NR4A1: variants seen among roughly 807,000 people sequenced by gnomAD.
NR4A1 encodes nuclear receptor subfamily 4immunitygroup A member 1.
A neutral mutation model predicts 47.5 loss-of-function variants in NR4A1; 24 were observed. The ratio of observed to expected loss-of-function variants is 0.50; its 90% CI spans 0.37 to 0.71. The LOEUF is 0.71. Among genes scored for constraint, NR4A1 ranks in the 30% least tolerant of loss-of-function variants. The pLI, the probability that NR4A1 is intolerant of heterozygous loss-of-function variation, is 0.00. For missense variants in NR4A1, 669 were observed against 788.6 expected (o/e 0.85, Z 1.82); for synonymous variants, 353 against 345.7 (o/e 1.02, Z -0.24).
intron 1 of NR4A1, among the ~76,000 whole-genome samples, chr12:52,052,097 C>T (rs1436180600): frequency 1.3e-5 from 2 of 152,106 alleles, no homozygotes; most frequent in Non-Finnish European, 2.9e-5. Flanking sequence ...CCACCCTGAA[C>T]TTTCTGTCTG....
chr12:52,045,453 G>C (rs748258312), intron 2 of NR4A1: 1 of 440,914 alleles, frequency 2.3e-6, no homozygotes, highest in South Asian at 1.6e-5. Flanking sequence ...CCTGCCTCCC[G>C]ACTTCCACCC....
chr12:52,052,265 TCAC>T (rs1939002196), intron 1 of NR4A1, among the ~76,000 whole-genome samples: 1 of 132,338 alleles, frequency 7.6e-6, no homozygotes, highest in Non-Finnish European at 1.6e-5. Flanking sequence ...GGGGCTTGGA[TCAC>T]GTGTGTGTGT....
chr12:52,055,854 T>TCC (rs200850180), intron 2 of NR4A1, 176 bp from the exon 3 acceptor site: 45 of 450,666 alleles, frequency 1.0e-4, no homozygotes, highest in African/African-American at 5.2e-4. Flanking sequence ...GACTTTTCTC[T>TCC]CCCCCCGCCC....
intron 2 of NR4A1, chr12:52,043,721 A>T: frequency 1.6e-6 from 2 of 1,275,372 alleles, no homozygotes; most frequent in Non-Finnish European, 2.0e-6. Flanking sequence ...TGGAGGCAGC[A>T]CCACATCCAG....
chr12:52,037,756 G>T, intron 1 of NR4A1: 1 of 985,534 alleles, frequency 1.0e-6, no homozygotes, highest in Non-Finnish European at 1.2e-6. Flanking sequence ...GAGCGCGGGA[G>T]CTCGTCTGCC....
chr12:52,036,189 T>C (rs1266385610), intron 1 of NR4A1, among the ~76,000 whole-genome samples: 1 of 152,184 alleles, frequency 6.6e-6, no homozygotes, highest in Admixed American at 6.5e-5. Flanking sequence ...GAGAAGGATT[T>C]GCTCAGGACA....
intron 1 of NR4A1, among the ~76,000 whole-genome samples, chr12:52,040,850 G>A (rs533731807): frequency 1.3e-5 from 2 of 152,296 alleles, no homozygotes; most frequent in South Asian, 4.1e-4. Context: ...AGTCTGAAGG[G>A]CAGTCCAATA....
At chr12:52,047,689 A>G (rs1282303535), upstream of NR4A1, among the ~76,000 whole-genome samples, 1 of 152,210 alleles carries the variant, frequency 6.6e-6, no homozygotes, top group African/African-American at 2.4e-5. Context: ...TCTGGAGGCT[A>G]GATGCTGAGA....
In NR4A1 at chr12:52,055,018, C is replaced by T; in HGVS notation, c.690C>T (p.Phe230=). The T allele has an allele frequency of 6.2e-7, 1 of 1,614,218 alleles. No homozygotes were observed. The highest frequency in any genetic ancestry group is 1.1e-5 in the South Asian group (1 of 91,088). The change falls in exon 2 of 7, where the codon TTC becomes TTT. Residue 230 remains phenylalanine (F), a synonymous_variant. Coordinates refer to ENST00000394825, the MANE Select transcript of NR4A1 (RefSeq NM_173157.3). The stretch of plus-strand genomic sequence containing the variant: ...AGAGCTATTCCATGCCTACGGCCTT[C>T]CCAGGTTTGGCACCCACTTCTCCAC... ...EGESYSMPTA[F]PGLAPTSPHL...
chr12:52,052,519 TCAG>T, intron 1 of NR4A1: 2 of 985,326 alleles, frequency 2.0e-6, no homozygotes, highest in Non-Finnish European at 2.4e-6. Flanking sequence ...TGAGGCTTGT[TCAG>T]CAGAACAGGT....
chr12:52,047,064 G>A (rs1240894117), upstream of NR4A1, among the ~76,000 whole-genome samples: 2 of 152,042 alleles, frequency 1.3e-5, no homozygotes, highest in African/African-American at 2.4e-5. Context: ...CGTCTCCATC[G>A]TGACATCTCT....
At chr12:52,053,190 G>A (rs1004012111) in intron 1 of NR4A1, among the ~76,000 whole-genome samples, 3 of 152,108 alleles carry the variant, frequency 2.0e-5, no homozygotes, top group Admixed American at 2.0e-4. Context: ...AGCCTCCTCT[G>A]CATTATTTTT....
At chr12:52,049,111 A>G (rs1938792760), upstream of NR4A1, among the ~76,000 whole-genome samples, 1 of 152,196 alleles carries the variant, frequency 6.6e-6, no homozygotes, top group Non-Finnish European at 1.5e-5. Flanking sequence ...ACTGAATGCC[A>G]TCAGCATTAC....
intron 2 of NR4A1, 82 bp downstream of exon 2, chr12:52,055,286 CT>C (rs750751007): frequency 6.4e-7 from 1 of 1,551,236 alleles, no homozygotes; most frequent in African/African-American, 1.4e-5. Flanking sequence ...TGGTCTCCCC[CT>C]GGGTTCTCCT....
chr12:52,048,596 A>G (rs975874355), upstream of NR4A1, among the ~76,000 whole-genome samples: 3 of 152,182 alleles, frequency 2.0e-5, no homozygotes, highest in Non-Finnish European at 4.4e-5. Context: ...TCCGTCTTAA[A>G]AAAAAAAGTT....
chr12:52,025,309 C>T (rs977284626), intron 1 of NR4A1, among the ~76,000 whole-genome samples: 5 of 152,130 alleles, frequency 3.3e-5, no homozygotes, highest in African/African-American at 1.2e-4. Flanking sequence ...GATCCACCTG[C>T]CTCGGCCTCC....
At chr12:52,024,764 A>G (rs2120896607) in intron 1 of NR4A1, among the ~76,000 whole-genome samples, 1 of 152,282 alleles carries the variant, frequency 6.6e-6, no homozygotes, top group Middle Eastern at 3.4e-3. Flanking sequence ...GAAACAACCA[A>G]AAAACTAGAG....
chr12:52,053,992 G>T, intron 1 of NR4A1: 1 of 265,258 alleles, frequency 3.8e-6, no homozygotes, highest in East Asian at 7.4e-5. Flanking sequence ...GGGAGGGGCA[G>T]GGGGCTGGAG....
upstream of NR4A1, among the ~76,000 whole-genome samples, chr12:52,048,321 A>G (rs374294955): frequency 7.3e-4 from 109 of 149,676 alleles, no homozygotes; most frequent in Middle Eastern, 3.5e-3. Context: ...TTGGCCGGGT[A>G]CAGTGGCTCA....
Sources: allele counts gnomAD v4.1 joint callset (sites outside exome capture counted in the v4.1 genomes callset), GRCh38; gene constraint gnomAD v4.1.1; transcripts MANE v1.5; gene names NCBI Gene and HGNC (gene_info 2026-07-23, HGNC 2026-07-21).